Variants in PRCP observed in about 807,000 individuals in gnomAD.
PRCP encodes the protein prolylcarboxypeptidase, also known as lysosomal Pro-X carboxypeptidase.
PRCP carries 46 observed loss-of-function variants against 54.2 expected under a neutral mutation model. That is an observed-to-expected ratio of 0.85 (90% CI 0.67 to 1.09). PRCP has a LOEUF of 1.09. PRCP is among the 50% of genes least tolerant of loss of function. PRCP has a pLI of 0.00. For synonymous variants in PRCP, 240 were observed against 212.2 expected (o/e 1.13, Z -1.14); for missense variants, 613 against 596.8 (o/e 1.03, Z -0.28).
chr11:82,882,741 C>T (rs1331825881), intron 1 of PRCP, among the ~76,000 whole-genome samples: 1 of 147,696 alleles, frequency 6.8e-6, no homozygotes, highest in Admixed American at 6.7e-5. Context: ...GTGATCCGCC[C>T]GCCTCGGCCT....
intron 8 of PRCP, 56 bp from the exon 9 acceptor site, chr11:82,825,178 C>G: frequency 6.8e-7 from 1 of 1,471,092 alleles, no homozygotes; most frequent in Non-Finnish European, 9.3e-7. Context: ...TGTTAACACT[C>G]AGATAAGCTA....
At chr11:82,875,713 T>C (rs1591065028) in intron 1 of PRCP, among the ~76,000 whole-genome samples, 1 of 152,154 alleles carries the variant, frequency 6.6e-6, no homozygotes, top group African/African-American at 2.4e-5. Flanking sequence ...GGAATGCACA[T>C]TATGAATGTG....
At chr11:82,889,056 C>A (rs1412000256) in intron 1 of PRCP, among the ~76,000 whole-genome samples, 3 of 121,900 alleles carry the variant, frequency 2.5e-5, no homozygotes, top group African/African-American at 1.3e-4. Context: ...CACACACTGT[C>A]CAGGAGATTT....
chr11:82,901,084 G>C (rs1860278917), upstream of PRCP: 1 of 363,390 alleles, frequency 2.8e-6, no homozygotes, highest in African/African-American at 2.1e-5. Flanking sequence ...CGTCGTCGCA[G>C]ACCGCTGGGT....
intron 1 of PRCP, among the ~76,000 whole-genome samples, chr11:82,870,012 G>C (rs905591068): frequency 1.3e-5 from 2 of 152,220 alleles, no homozygotes; most frequent in Non-Finnish European, 2.9e-5. Context: ...AACATTGCAG[G>C]GAGTGCAGGA....
chr11:82,887,129 C>T (rs762280716), intron 1 of PRCP, among the ~76,000 whole-genome samples: 1 of 152,168 alleles, frequency 6.6e-6, no homozygotes, highest in Non-Finnish European at 1.5e-5. Context: ...AAATCTTTAT[C>T]ATCTCCCTTC....
At chr11:82,833,256 T>G (rs1363802870) in intron 8 of PRCP, among the ~76,000 whole-genome samples, 5 of 152,138 alleles carry the variant, frequency 3.3e-5, no homozygotes, top group Non-Finnish European at 7.3e-5. Flanking sequence ...AACTACCACA[T>G]GGAGTGATAA....
rs4843 is a variant in PRCP, at chr11:82,839,345, A to G, written c.1002T>C (p.Tyr334=). ...ATTTCACCTGGCCCGAATAATTGTAATATACATTCAGAGCTTGGAAAATAT... is the reference window on the plus strand; with the variant it reads ...ATTTCACCTGGCCCGAATAATTGTAGTATACATTCAGAGCTTGGAAAATAT... ...LQNIFQALNV[Y]YNYSGQVKCL... Residue 334 remains tyrosine, a synonymous_variant, in exon 7 of 9, where the codon TAT becomes TAC. Transcript: ENST00000313010. The G allele has an allele frequency of 0.049, 78,815 of 1,613,804 alleles. 3,682 individuals are homozygous for G. Among genetic ancestry groups the G allele is most frequent in the African/African-American group, 0.24 (17,774 of 74,950 alleles).
At chr11:82,866,408 G>A (rs961134027) in intron 1 of PRCP, among the ~76,000 whole-genome samples, 5 of 152,182 alleles carry the variant, frequency 3.3e-5, no homozygotes, top group Non-Finnish European at 5.9e-5. Context: ...AATCATCTTC[G>A]TATGTAATAA....
intron 6 of PRCP, chr11:82,845,899 G>T (rs1335361505): frequency 6.6e-6 from 1 of 152,168 alleles, no homozygotes; most frequent in Non-Finnish European, 1.5e-5. Flanking sequence ...ATTTCTGCAT[G>T]AATGTTGCAG....
chr11:82,853,961 A>G (rs1425019697), intron 2 of PRCP, among the ~76,000 whole-genome samples: 1 of 152,224 alleles, frequency 6.6e-6, no homozygotes, highest in African/African-American at 2.4e-5. Flanking sequence ...ACATCCCTTC[A>G]TGGTAAAAAT....
chr11:82,837,564 C>T (rs571750995), intron 8 of PRCP, among the ~76,000 whole-genome samples: 37 of 152,310 alleles, frequency 2.4e-4, no homozygotes, highest in Non-Finnish European at 4.1e-4. Context: ...AAAAGAATGA[C>T]ATTTACAATT....
intron 2 of PRCP, among the ~76,000 whole-genome samples, chr11:82,854,022 T>C (rs182952031): frequency 1.2e-3 from 183 of 152,290 alleles, no homozygotes; most frequent in African/African-American, 4.3e-3. Flanking sequence ...ATAAAAGCCA[T>C]CTATGACAAA....
At position 82,884,731 on chromosome 11, in the gene PRCP, C is replaced by T. The variant is rs117480014; in HGVS notation, c.168+15504G>A. 6,865 of 1,569,936 alleles carry T rather than the reference C, an allele frequency of 4.4e-3. 39 individuals carry two copies. The highest frequency in any genetic ancestry group is 0.016 in the South Asian group (1,374 of 86,422). ...AGAATTTGCAGACAGACCTGACTTTCAGTGCCATCTTGGCCATTTATTAGC... is the reference window on the plus strand; with the variant it reads ...AGAATTTGCAGACAGACCTGACTTTTAGTGCCATCTTGGCCATTTATTAGC... On this transcript the variant is annotated intron_variant, in intron 1 of 8. Coordinates refer to ENST00000313010, the MANE Select transcript of PRCP (RefSeq NM_005040.4).
intron 5 of PRCP, 107 bp downstream of exon 5, chr11:82,849,807 G>T: frequency 9.7e-7 from 1 of 1,032,246 alleles, no homozygotes; most frequent in Non-Finnish European, 1.3e-6. Context: ...TTTTCTGTAT[G>T]TACATTATAC....
chr11:82,860,452 T>G (rs1012527671), intron 1 of PRCP, among the ~76,000 whole-genome samples: 1 of 152,088 alleles, frequency 6.6e-6, no homozygotes, highest in African/African-American at 2.4e-5. Flanking sequence ...TTTTAATGCA[T>G]TTTTAATTGG....
At chr11:82,888,535 C>T (rs1447939452) in intron 1 of PRCP, among the ~76,000 whole-genome samples, 1 of 152,198 alleles carries the variant, frequency 6.6e-6, no homozygotes, top group African/African-American at 2.4e-5. Context: ...AGACATTCCT[C>T]TTGTGTTCAT....
At chr11:82,841,388 A>G (rs1479882055) in intron 6 of PRCP, among the ~76,000 whole-genome samples, 2 of 152,148 alleles carry the variant, frequency 1.3e-5, no homozygotes, top group Non-Finnish European at 2.9e-5. Context: ...TACTTTGTGG[A>G]AAAATGTTTC....
At chr11:82,860,383 C>T (rs1859181169) in intron 1 of PRCP, among the ~76,000 whole-genome samples, 1 of 151,948 alleles carries the variant, frequency 6.6e-6, no homozygotes, top group Non-Finnish European at 1.5e-5. Flanking sequence ...AATCAAATAG[C>T]TACTTAAAAA....
Sources: allele counts gnomAD v4.1 joint callset (sites outside exome capture counted in the v4.1 genomes callset), GRCh38; gene constraint gnomAD v4.1.1; transcripts MANE v1.5; gene names NCBI Gene and HGNC (gene_info 2026-07-23, HGNC 2026-07-21).